Variants in KBTBD11 observed in about 807,000 individuals in gnomAD.
KBTBD11 encodes the protein kelch repeat and BTB domain-containing protein 11.
For missense variants in KBTBD11, 1,390 were observed against 1,001.8 expected (o/e 1.39, Z -5.23); for synonymous variants, 747 against 499.0 (o/e 1.50, Z -6.63).
At position 2,001,540 on chromosome 8, in the gene KBTBD11, C is replaced by T. The variant is rs1029593917; in HGVS notation, c.348C>T (p.Asp116=). Residue 116 remains aspartate (D), a synonymous_variant, in exon 2 of 2, where the codon GAC becomes GAT. Coordinates refer to ENST00000320248, the MANE Select transcript of KBTBD11 (RefSeq NM_014867.3). The stretch of plus-strand genomic sequence containing the variant: ...CCGAACCGCGCGTTTGGCTTGAGGA[C>T]CCCGCGTCCCCCGAGGAGCCCGGGG... The part of the protein sequence containing the change: ...PSPEPRVWLE[D]PASPEEPGEP... The T allele has an allele frequency of 3.5e-6, 5 of 1,433,320 alleles. No individual in the cohort carries two copies. Among genetic ancestry groups the T allele is most frequent in the African/African-American group, 1.5e-5 (1 of 66,600 alleles). 88.8% of individuals were successfully genotyped at this position (1,433,320 alleles called of 1,614,324 possible).
chr8:1,973,694 C>T lies in KBTBD11; in HGVS notation c.-1150C>T. 1 of 983,800 alleles carries T rather than the reference C, an allele frequency of 1.0e-6. No individual in the cohort carries two copies. Among genetic ancestry groups the T allele is most frequent in the Non-Finnish European group, 1.2e-6 (1 of 829,304 alleles). The allele number at this position is 983,800 out of a possible 1,614,324, so 60.9% of individuals were successfully genotyped here. On this transcript the variant is annotated 5_prime_UTR_variant, in exon 1 of 2. Coordinates refer to ENST00000320248, the MANE Select transcript of KBTBD11 (RefSeq NM_014867.3). ...CCCTCCCCGCGCCCCGCGCGCGCCCCTCGCAGCCTGGAGCCGGAGCGCTGG... is the reference window on the plus strand; with the variant it reads ...CCCTCCCCGCGCCCCGCGCGCGCCCTTCGCAGCCTGGAGCCGGAGCGCTGG...
rs1260666814 is a variant in KBTBD11, at chr8:2,002,087, G to T, written c.895G>T (p.Ala299Ser). Residue 299 changes from alanine (A) to serine (S), a missense_variant, in exon 2 of 2, where the codon GCG (alanine) becomes TCG (serine). Transcript: ENST00000320248. The surrounding 1 kb of genome is among the most constrained non-coding windows in gnomAD (Gnocchi z 4.1). ...CGCCGGCCGCGCCCACCTCTTGGCCGCGGCGCTCGGGCCGGCGGGGGAGCG... is the reference window on the plus strand; with the variant it reads ...CGCCGGCCGCGCCCACCTCTTGGCCTCGGCGCTCGGGCCGGCGGGGGAGCG... ...LRAGRAHLLA[A>S]ALGPAGERAG... 2 of 1,096,892 alleles carry T rather than the reference G, an allele frequency of 1.8e-6. No individual in the cohort carries two copies. The highest frequency in any genetic ancestry group is 2.2e-6 in the Non-Finnish European group (2 of 905,570). The allele number at this position is 1,096,892 out of a possible 1,614,324, so 67.9% of individuals were successfully genotyped here. A position where few individuals can be genotyped will look rare whatever the true frequency, so the allele number is the denominator to read the frequency against.
chr8:1,991,754 G>A (rs1816926513), intron 1 of KBTBD11, among the ~76,000 whole-genome samples: 1 of 151,954 alleles, frequency 6.6e-6, no homozygotes. Flanking sequence ...CAGAGAAGGT[G>A]CCCACCGGTG....
chr8:2,000,946 G>A lies in KBTBD11; in HGVS notation c.-247G>A. 2.4e-6 allele frequency: 1 copy of A among 415,806 alleles called. No homozygotes were observed. Among genetic ancestry groups the A allele is most frequent in the Non-Finnish European group, 4.1e-6 (1 of 244,408 alleles). The allele number at this position is 415,806 out of a possible 1,614,324, so 25.8% of individuals were successfully genotyped here. A position where few individuals can be genotyped will look rare whatever the true frequency, so the allele number is the denominator to read the frequency against. ...GCAGATTTAAAGTGGCTGGGGTTCA[G>A]AAGTTCAGCAAGTCGGACACACCCC... On this transcript the variant is annotated 5_prime_UTR_variant, in exon 2 of 2. Transcript: ENST00000320248.
Position 2,001,003 on chromosome 8 carries a change from G to A in KBTBD11, c.-190G>A, listed in dbSNP as rs1817321104. On this transcript the variant is annotated 5_prime_UTR_variant, in exon 2 of 2. Transcript: ENST00000320248. Reference sequence around the variant, plus strand: ...CTGGAGAGGAGAGGGCAAAGGCGAGGCGGGGGAGCAGCGTGTGAGATTCCC... The same window carrying A: ...CTGGAGAGGAGAGGGCAAAGGCGAGACGGGGGAGCAGCGTGTGAGATTCCC... The A allele has an allele frequency of 2.7e-6, 2 of 739,062 alleles. No individual in the cohort carries two copies. The highest frequency in any genetic ancestry group is 3.7e-6 in the Non-Finnish European group (2 of 538,076). The allele number at this position is 739,062 out of a possible 1,614,324, so 45.8% of individuals were successfully genotyped here.
At chr8:1,976,195 T>C (rs1006491709) in intron 1 of KBTBD11, 1 of 152,168 alleles carries the variant, frequency 6.6e-6, no homozygotes. Context: ...AATCAGCCTG[T>C]CATTCAGCAT....
At position 2,002,018 on chromosome 8, in the gene KBTBD11, C is replaced by A; in HGVS notation, c.826C>A (p.Leu276Met). ...VLREPAVFGRLSGAERDLLLR... is the reference protein window; with the variant it reads ...VLREPAVFGRMSGAERDLLLR... ...GCGCGAGCCCGCCGTGTTCGGCCGC[C>A]TGTCGGGCGCAGAGCGGGACCTGCT... Residue 276 changes from leucine to methionine, a missense_variant, in exon 2 of 2, where the codon CTG (leucine) becomes ATG (methionine). Physicochemically the swap from Leu to Met is conservative, Grantham distance 15. Transcript: ENST00000320248. This position sits in a 1 kb window ranked among gnomAD's most constrained non-coding sequence, Gnocchi z 4.1. The A allele has an allele frequency of 7.1e-7, 1 of 1,403,748 alleles. No individual in the cohort carries two copies. The highest frequency in any genetic ancestry group is 1.5e-5 in the African/African-American group (1 of 66,678). 87.0% of individuals were successfully genotyped at this position (1,403,748 alleles called of 1,614,324 possible). A position where few individuals can be genotyped will look rare whatever the true frequency, so the allele number is the denominator to read the frequency against.
chr8:1,975,459 T>A (rs1331773089), intron 1 of KBTBD11: 3 of 152,236 alleles, frequency 2.0e-5, no homozygotes, highest in Non-Finnish European at 4.4e-5. Context: ...ACAAACACCA[T>A]TGTGTTACAA....
intron 1 of KBTBD11, among the ~76,000 whole-genome samples, chr8:1,989,879 G>T (rs997772902): frequency 6.8e-6 from 1 of 146,070 alleles, no homozygotes; most frequent in Non-Finnish European, 1.5e-5. Flanking sequence ...CTGCTAATTT[G>T]TGAGGGCCAG....
rs1336634778 is a variant in KBTBD11 at position 2,003,636 on chromosome 8, C to A, written c.*572C>A. 6.0e-6 allele frequency: 1 copy of A among 167,012 alleles called. No homozygotes were observed. The highest frequency in any genetic ancestry group is 1.5e-5 in the Non-Finnish European group (1 of 68,110). The allele number at this position is 167,012 out of a possible 1,614,324, so 10.3% of individuals were successfully genotyped here. A position where few individuals can be genotyped will look rare whatever the true frequency, so the allele number is the denominator to read the frequency against. On this transcript the variant is annotated 3_prime_UTR_variant, in exon 2 of 2. Coordinates refer to ENST00000320248, the MANE Select transcript of KBTBD11 (RefSeq NM_014867.3). ...ATTTAATAAGCATTAAAGGTAAAATCTTTGATTACCAGTAAGGTTTCTTGT... is the reference window on the plus strand; with the variant it reads ...ATTTAATAAGCATTAAAGGTAAAATATTTGATTACCAGTAAGGTTTCTTGT...
rs546901428 is a variant in KBTBD11, at chr8:2,004,669, G to C, written c.*1605G>C. The C allele has an allele frequency of 6.0e-6, 1 of 166,992 alleles. No individual in the cohort carries two copies. The highest frequency in any genetic ancestry group is 6.5e-5 in the Admixed American group (1 of 15,274). 10.3% of individuals were successfully genotyped at this position (166,992 alleles called of 1,614,324 possible). A position where few individuals can be genotyped will look rare whatever the true frequency, so the allele number is the denominator to read the frequency against. On this transcript the variant is annotated 3_prime_UTR_variant, in exon 2 of 2. Coordinates refer to ENST00000320248, the MANE Select transcript of KBTBD11 (RefSeq NM_014867.3). The stretch of plus-strand genomic sequence containing the variant: ...ATGATCTGGGTTACGGTATGTTCTG[G>C]GGACGTGTCTGCTTGCCCATGGTTA...
intron 1 of KBTBD11, among the ~76,000 whole-genome samples, chr8:1,997,523 C>T (rs1180993191): frequency 6.6e-6 from 1 of 152,256 alleles, no homozygotes; most frequent in African/African-American, 2.4e-5. Context: ...TGCAGGGAGA[C>T]CCGCGGCAGG....
chr8:2,002,051 C>G lies in KBTBD11; in HGVS notation c.859C>G (p.Arg287Gly), dbSNP rs1256994600. 5 of 1,190,534 alleles carry G rather than the reference C, an allele frequency of 4.2e-6. No homozygotes were observed. Among genetic ancestry groups the G allele is most frequent in the Admixed American group, 9.0e-5 (2 of 22,108 alleles). 73.7% of individuals were successfully genotyped at this position (1,190,534 alleles called of 1,614,324 possible). A position where few individuals can be genotyped will look rare whatever the true frequency, so the allele number is the denominator to read the frequency against. The change falls in exon 2 of 2, where the codon CGC becomes GGC. Residue 287 changes from arginine to glycine, a missense_variant. Transcript: ENST00000320248. This position sits in a 1 kb window ranked among gnomAD's most constrained non-coding sequence, Gnocchi z 4.1. ...CGCAGAGCGGGACCTGCTGCTGCGC[C>G]GCCGCCTGCGCGCCGGCCGCGCCCA... ...SGAERDLLLR[R>G]RLRAGRAHLL...
intron 1 of KBTBD11, among the ~76,000 whole-genome samples, chr8:1,976,767 C>G (rs573645631): frequency 1.3e-5 from 2 of 152,056 alleles, no homozygotes; most frequent in Middle Eastern, 3.2e-3. Flanking sequence ...CTTGAATGCA[C>G]GTAACAGAGG....
At position 2,000,816 on chromosome 8, in the gene KBTBD11, C is replaced by A; in HGVS notation, c.-377C>A. 1 of 212,912 alleles carries A rather than the reference C, an allele frequency of 4.7e-6. No individual in the cohort carries two copies. The highest frequency in any genetic ancestry group is 9.3e-6 in the Non-Finnish European group (1 of 107,528). The allele number at this position is 212,912 out of a possible 1,614,324, so 13.2% of individuals were successfully genotyped here. A position where few individuals can be genotyped will look rare whatever the true frequency, so the allele number is the denominator to read the frequency against. On this transcript the variant is annotated 5_prime_UTR_variant, in exon 2 of 2. Transcript: ENST00000320248. ...CTGCAGAGAGAGACACCTGGTCACC[C>A]AGGCTGCAGAAACAACCGCAGTCAA...
rs564702763 is a variant in KBTBD11, at chr8:2,005,155, C to T, written c.*2091C>T. The T allele has an allele frequency of 7.2e-5, 12 of 167,152 alleles. No individual in the cohort carries two copies. Among genetic ancestry groups the T allele is most frequent in the African/African-American group, 2.6e-4 (11 of 41,562 alleles). The allele number at this position is 167,152 out of a possible 1,614,324, so 10.4% of individuals were successfully genotyped here. A position where few individuals can be genotyped will look rare whatever the true frequency, so the allele number is the denominator to read the frequency against. On this transcript the variant is annotated 3_prime_UTR_variant, in exon 2 of 2. Transcript: ENST00000320248. ...CTGTGCGGTTCCCATGGCTTTCCAG[C>T]GTTTCATTTAGTGAAGGAATGCTCA...
In KBTBD11 at chr8:2,002,739, C is replaced by T. The variant is rs1218279001; in HGVS notation, c.1547C>T (p.Ala516Val). 3 of 1,499,088 alleles carry T rather than the reference C, an allele frequency of 2.0e-6. No individual in the cohort carries two copies. The highest frequency in any genetic ancestry group is 2.6e-5 in the East Asian group (1 of 37,940). 92.9% of individuals were successfully genotyped at this position (1,499,088 alleles called of 1,614,324 possible). The change falls in exon 2 of 2, where the codon GCG becomes GTG. Residue 516 changes from alanine to valine, a missense_variant. Coordinates refer to ENST00000320248, the MANE Select transcript of KBTBD11 (RefSeq NM_014867.3). This position sits in a 1 kb window ranked among gnomAD's most constrained non-coding sequence, Gnocchi z 4.1. ...DLSGSRGEAQAAGPSGVSVSR... is the reference protein window; with the variant it reads ...DLSGSRGEAQVAGPSGVSVSR... ...AGCGGCAGCCGCGGCGAGGCGCAGG[C>T]GGCGGGGCCGAGCGGGGTCAGCGTG... is the stretch of plus-strand genomic sequence containing the variant.
rs1817538621 is a variant in KBTBD11 at position 2,005,321 on chromosome 8, T to G, written c.*2257T>G. 1 of 167,156 alleles carries G rather than the reference T, an allele frequency of 6.0e-6. No homozygotes were observed. Among genetic ancestry groups the G allele is most frequent in the African/African-American group, 2.4e-5 (1 of 41,480 alleles). 10.4% of individuals were successfully genotyped at this position (167,156 alleles called of 1,614,324 possible). On this transcript the variant is annotated 3_prime_UTR_variant, in exon 2 of 2. Coordinates refer to ENST00000320248, the MANE Select transcript of KBTBD11 (RefSeq NM_014867.3). ...CATTAAAGGATGTCCGGCCAACCTA[T>G]TGTGGAAATTTATAGAATAGTATAC...
chr8:1,988,185 T>C (rs1216562390), intron 1 of KBTBD11, among the ~76,000 whole-genome samples: 1 of 152,236 alleles, frequency 6.6e-6, no homozygotes, highest in Non-Finnish European at 1.5e-5. Context: ...AGTGCTGCTA[T>C]AAACATACGT....
Sources: allele counts gnomAD v4.1 joint callset (sites outside exome capture counted in the v4.1 genomes callset), GRCh38; gene constraint gnomAD v4.1.1; non-coding constraint Gnocchi (gnomAD v3.1); transcripts MANE v1.5; gene names NCBI Gene and HGNC (gene_info 2026-07-23, HGNC 2026-07-21).